Variants in SMAD3 observed in about 807,000 individuals in gnomAD.
The protein encoded by SMAD3 is MAD homolog 3.
In SMAD3, 12 loss-of-function variants were observed where a neutral mutation model predicts 51.8. The ratio of observed to expected loss-of-function variants is 0.23; its 90% CI spans 0.15 to 0.38. The LOEUF is 0.38. Ranked by LOEUF, SMAD3 falls within the 10% of genes least tolerant of loss-of-function variation. SMAD3 has a pLI of 1.00. For missense variants in SMAD3, 294 were observed against 565.6 expected (o/e 0.52, Z 4.87); for synonymous variants, 238 against 227.7 (o/e 1.05, Z -0.41).
rs754727381 is a variant in SMAD3, at chr15:67,194,104, CCT to C, written c.*3569_*3570del. The C allele has an allele frequency of 4.3e-6, 1 of 233,392 alleles. No homozygotes were observed. The highest frequency in any genetic ancestry group is 6.0e-5 in the East Asian group (1 of 16,726). 14.5% of individuals were successfully genotyped at this position (233,392 alleles called of 1,614,324 possible). On this transcript the variant is annotated 3_prime_UTR_variant, in exon 9 of 9. Coordinates refer to ENST00000327367, the MANE Select transcript of SMAD3 (RefSeq NM_005902.4). ...AGAGTGCACCCGTTTAGCCCTGGAC[CCT>C]GTTTCTTACTGTGTGACTTGGCTAG...
chr15:67,087,506 G>A (rs1960418829), intron 1 of SMAD3, among the ~76,000 whole-genome samples: 1 of 152,194 alleles, frequency 6.6e-6, no homozygotes, highest in Non-Finnish European at 1.5e-5. Context: ...AGCTGTGGCT[G>A]CATTTCAGGT....
intron 1 of SMAD3, among the ~76,000 whole-genome samples, chr15:67,066,569 A>AGC (rs2140189543): frequency 6.6e-6 from 1 of 152,326 alleles, no homozygotes; most frequent in African/African-American, 2.4e-5. Context: ...CAAAGATCAG[A>AGC]GCCCGAGGCT....
intron 5 of SMAD3, among the ~76,000 whole-genome samples, chr15:67,180,136 A>G (rs1438428184): frequency 6.6e-6 from 1 of 152,192 alleles, no homozygotes; most frequent in Non-Finnish European, 1.5e-5. Flanking sequence ...GCTCGCGCCC[A>G]GCAGTCAGTG....
rs931349403 is a variant in SMAD3 at position 67,187,604 on chromosome 15, C to T, written c.1154+95C>T. The T allele has an allele frequency of 5.4e-6, 8 of 1,483,300 alleles. No individual in the cohort carries two copies. In the African/African-American group the frequency reaches 6.9e-5, roughly 13 times the overall value. The allele number at this position is 1,483,300 out of a possible 1,614,324, so 91.9% of individuals were successfully genotyped here. ...GCTCCTCAGAGATGAGCTAGGCCAG[C>T]CCTAGCGTCAAGAGCAGAAAGACCA... On this transcript the variant is annotated intron_variant, in intron 8 of 8. Transcript: ENST00000327367.
At chr15:67,072,771 T>C (rs908574844) in intron 1 of SMAD3, among the ~76,000 whole-genome samples, 3 of 152,192 alleles carry the variant, frequency 2.0e-5, no homozygotes, top group East Asian at 1.9e-4. Context: ...CCCTGAGCCA[T>C]GGAGCCTTCA....
intron 1 of SMAD3, among the ~76,000 whole-genome samples, chr15:67,128,370 C>T (rs1017659018): frequency 1.3e-5 from 2 of 152,114 alleles, no homozygotes; most frequent in Non-Finnish European, 2.9e-5. Flanking sequence ...TTACTCCTGA[C>T]CACTTAGTAA....
At chr15:67,177,807 C>T (rs1399951618) in intron 5 of SMAD3, among the ~76,000 whole-genome samples, 1 of 151,840 alleles carries the variant, frequency 6.6e-6, no homozygotes, top group Admixed American at 6.6e-5. Context: ...TTCTGGTCTG[C>T]CACTCCTCTT....
intron 1 of SMAD3, among the ~76,000 whole-genome samples, chr15:67,124,450 G>GAA (rs5813429): frequency 9.2e-5 from 14 of 151,446 alleles, no homozygotes; most frequent in South Asian, 2.1e-4. Flanking sequence ...TCAGTCTTTA[G>GAA]AAAAAAAAAA....
chr15:67,070,547 G>A (rs1364922787), intron 1 of SMAD3, among the ~76,000 whole-genome samples: 3 of 151,858 alleles, frequency 2.0e-5, no homozygotes, highest in Admixed American at 2.0e-4. Context: ...GCAGAGACAC[G>A]TTTGAGAAGC....
In SMAD3 at chr15:67,193,480, A is replaced by G. The variant is rs769044614; in HGVS notation, c.*2944A>G. On this transcript the variant is annotated 3_prime_UTR_variant, in exon 9 of 9. Coordinates refer to ENST00000327367, the MANE Select transcript of SMAD3 (RefSeq NM_005902.4). Reference sequence around the variant, plus strand: ...CCAATTTAGTAACTTAGATGCTTCCAGCACATACGTAGGTAGCTACCCCAG... The same window carrying G: ...CCAATTTAGTAACTTAGATGCTTCCGGCACATACGTAGGTAGCTACCCCAG... The G allele has an allele frequency of 3.4e-5, 8 of 233,710 alleles. No homozygotes were observed. Among genetic ancestry groups the G allele is most frequent in the Non-Finnish European group, 6.8e-5 (8 of 118,058 alleles). 14.5% of individuals were successfully genotyped at this position (233,710 alleles called of 1,614,324 possible). A position where few individuals can be genotyped will look rare whatever the true frequency, so the allele number is the denominator to read the frequency against.
At chr15:67,102,267 T>TGTGC (rs781214785) in intron 1 of SMAD3, among the ~76,000 whole-genome samples, 32 of 131,962 alleles carry the variant, frequency 2.4e-4, no homozygotes, top group African/African-American at 8.4e-4. Context: ...TGTGTGTGTG[T>TGTGC]GCGGTGTGTG....
chr15:67,151,308 C>T (rs1019860110), intron 1 of SMAD3, among the ~76,000 whole-genome samples: 5 of 150,876 alleles, frequency 3.3e-5, no homozygotes, highest in African/African-American at 1.2e-4. Flanking sequence ...ATAGCTCTTT[C>T]TCCCCATTTT....
At chr15:67,074,376 G>T (rs928271824) in intron 1 of SMAD3, among the ~76,000 whole-genome samples, 1 of 152,226 alleles carries the variant, frequency 6.6e-6, no homozygotes. Context: ...CATTATAGAG[G>T]ATACCTGTGG....
At chr15:67,085,547 T>G (rs1960369372) in intron 1 of SMAD3, among the ~76,000 whole-genome samples, 1 of 151,916 alleles carries the variant, frequency 6.6e-6, no homozygotes, top group African/African-American at 2.4e-5. Context: ...TGGAAAGAGG[T>G]TTGGGGTTCA....
Position 67,121,483 on chromosome 15 carries a change from G to C in SMAD3, c.207-43412G>C, listed in dbSNP as rs79868654. 1.4e-3 allele frequency among the ~76,000 whole-genome samples: 206 copies of C among 152,330 alleles called. 3 individuals carry two copies. In the East Asian group the frequency reaches 0.028, roughly 21 times the overall value. ...GCCCCGGGGAGGGCTGCAGATGGGCGGGGGGTGGCTGCCTGGGAGGACGGG... is the reference window on the plus strand; with the variant it reads ...GCCCCGGGGAGGGCTGCAGATGGGCCGGGGGTGGCTGCCTGGGAGGACGGG... On this transcript the variant is annotated intron_variant, in intron 1 of 8. Transcript: ENST00000327367.
At chr15:67,081,964 A>T (rs1038152548) in intron 1 of SMAD3, among the ~76,000 whole-genome samples, 3 of 151,770 alleles carry the variant, frequency 2.0e-5, no homozygotes, top group Admixed American at 6.5e-5. Context: ...AGTTTTTGCC[A>T]TTGAAAATAA....
At chr15:67,160,969 G>C (rs1962415566) in intron 1 of SMAD3, among the ~76,000 whole-genome samples, 1 of 151,620 alleles carries the variant, frequency 6.6e-6, no homozygotes, top group African/African-American at 2.4e-5. Flanking sequence ...GATGCGGTCT[G>C]ATTTTTTTTT....
intron 1 of SMAD3, among the ~76,000 whole-genome samples, chr15:67,122,408 C>G (rs989330462): frequency 6.6e-6 from 1 of 152,170 alleles, no homozygotes; most frequent in African/African-American, 2.4e-5. Flanking sequence ...TGGGAATGAG[C>G]AAGTCAGGAC....
intron 1 of SMAD3, among the ~76,000 whole-genome samples, chr15:67,086,227 C>T (rs183634326): frequency 2.0e-5 from 3 of 152,186 alleles, no homozygotes; most frequent in African/African-American, 4.8e-5. Flanking sequence ...GGCATTGCCC[C>T]GGTGGATTCT....
Sources: allele counts gnomAD v4.1 joint callset (sites outside exome capture counted in the v4.1 genomes callset), GRCh38; gene constraint gnomAD v4.1.1; transcripts MANE v1.5; gene names NCBI Gene and HGNC (gene_info 2026-07-23, HGNC 2026-07-21).